The following MIS18A variants were observed in gnomAD, a reference collection of about 807,000 sequenced individuals.
The protein encoded by MIS18A is protein Mis18-alpha.
MIS18A carries 14 observed loss-of-function variants against 25.0 expected under a neutral mutation model. The observed-to-expected ratio is 0.56, with a 90% CI of 0.37 to 0.88. The LOEUF (loss-of-function observed/expected upper bound fraction) is 0.88. Ranked by LOEUF, MIS18A falls within the 40% of genes least tolerant of loss-of-function variation. MIS18A has a pLI of 0.00. For synonymous variants in MIS18A, 134 were observed against 118.6 expected, an observed-to-expected ratio of 1.13 and a Z score of -0.84; for missense variants, 292 against 290.8, an observed-to-expected ratio of 1.00 and a Z score of -0.03.
the MIS18A span, among the ~76,000 whole-genome samples, chr21:32,231,342 T>C: frequency 6.6e-6 from 1 of 151,008 alleles, no homozygotes; most frequent in Non-Finnish European, 1.5e-5. Flanking sequence ...TAAAATTCAA[T>C]AATAAAAAGA....
At chr21:32,263,614 T>C (rs2031545336), downstream of MIS18A, among the ~76,000 whole-genome samples, 1 of 152,052 alleles carries the variant, frequency 6.6e-6, no homozygotes, top group East Asian at 1.9e-4. Context: ...ATAAATAAAA[T>C]CGTATTTCCA....
At chr21:32,266,967 A>AACACACACACACACACACACACAC (rs199958126), downstream of MIS18A, among the ~76,000 whole-genome samples, 2 of 149,430 alleles carry the variant, frequency 1.3e-5, no homozygotes, top group African/African-American at 4.9e-5. Flanking sequence ...GGACAAGTTA[A>AACACACACACACACACACACACAC]ACACACACAC....
At chr21:32,234,892 C>T in the MIS18A span, among the ~76,000 whole-genome samples, 9 of 152,270 alleles carry the variant, frequency 5.9e-5, no homozygotes, top group African/African-American at 1.9e-4. Flanking sequence ...AACACAAGAA[C>T]GGACTAACAG....
chr21:32,235,229 C>T, the MIS18A span, among the ~76,000 whole-genome samples: 3 of 152,160 alleles, frequency 2.0e-5, no homozygotes, highest in Non-Finnish European at 2.9e-5. Context: ...TTGTCTTCAG[C>T]GGAATTGGAG....
At chr21:32,157,252 TAGAGACAGG>T in the MIS18A span, among the ~76,000 whole-genome samples, 1 of 26,138 alleles carries the variant, frequency 3.8e-5, no homozygotes, top group Non-Finnish European at 6.1e-5. Flanking sequence ...GTAGTTTTAG[TAGAGACAGG>T]GTTTCATCAT....
At chr21:32,208,613 G>A in the MIS18A span, among the ~76,000 whole-genome samples, 13 of 152,282 alleles carry the variant, frequency 8.5e-5, no homozygotes, top group East Asian at 2.5e-3. Flanking sequence ...TTTCTTTATA[G>A]CAATATGAGA....
At chr21:32,169,011 A>C in the MIS18A span, among the ~76,000 whole-genome samples, 59 of 152,324 alleles carry the variant, frequency 3.9e-4, no homozygotes, top group Admixed American at 3.6e-3. Context: ...CAGAAGCAGA[A>C]TTGGTCAAAA....
At chr21:32,183,640 G>A in the MIS18A span, among the ~76,000 whole-genome samples, 5 of 152,290 alleles carry the variant, frequency 3.3e-5, no homozygotes, top group Non-Finnish European at 7.3e-5. Flanking sequence ...TTCAGAGCCA[G>A]TGAAGGAGTC....
chr21:32,214,568 A>G, the MIS18A span, among the ~76,000 whole-genome samples: 2 of 152,206 alleles, frequency 1.3e-5, no homozygotes, highest in Admixed American at 1.3e-4. Flanking sequence ...GTAGTAGCCT[A>G]TATGTTCTAA....
the MIS18A span, among the ~76,000 whole-genome samples, chr21:32,251,969 T>G: frequency 1.3e-5 from 2 of 152,224 alleles, no homozygotes; most frequent in South Asian, 4.1e-4. Flanking sequence ...TTCATCAGTA[T>G]AGTTTTAGAA....
At chr21:32,195,759 C>T in the MIS18A span, among the ~76,000 whole-genome samples, 1 of 152,158 alleles carries the variant, frequency 6.6e-6, no homozygotes, top group Admixed American at 6.5e-5. Flanking sequence ...GTGGCTCACA[C>T]CTGTAATCCC....
At chr21:32,213,360 T>C in the MIS18A span, among the ~76,000 whole-genome samples, 1 of 152,228 alleles carries the variant, frequency 6.6e-6, no homozygotes, top group Non-Finnish European at 1.5e-5. Flanking sequence ...CACTGTACGT[T>C]CTGACATAGA....
the MIS18A span, among the ~76,000 whole-genome samples, chr21:32,174,006 C>T: frequency 1.7e-5 from 2 of 114,386 alleles, no homozygotes; most frequent in Admixed American, 2.5e-4. Flanking sequence ...CACTCTGTTA[C>T]CAGGCTGGAG....
the MIS18A span, among the ~76,000 whole-genome samples, chr21:32,174,399 T>C: frequency 6.6e-6 from 1 of 152,166 alleles, no homozygotes; most frequent in African/African-American, 2.4e-5. Context: ...AATGCTGACA[T>C]AGCTCTCAAA....
chr21:32,166,631 A>G, the MIS18A span, among the ~76,000 whole-genome samples: 10,141 of 152,294 alleles, frequency 0.067, 375 homozygotes, highest in South Asian at 0.099. Flanking sequence ...TTGCAATCCA[A>G]AGCATAAAAT....
chr21:32,196,409 G>A, the MIS18A span, among the ~76,000 whole-genome samples: 3 of 151,364 alleles, frequency 2.0e-5, no homozygotes, highest in African/African-American at 7.3e-5. Flanking sequence ...CCAGCTTGCT[G>A]CCTGCAGATC....
the MIS18A span, among the ~76,000 whole-genome samples, chr21:32,157,602 C>T: frequency 6.6e-6 from 1 of 151,988 alleles, no homozygotes; most frequent in African/African-American, 2.4e-5. Flanking sequence ...CTTTACATGA[C>T]ACCCTTTGGT....
chr21:32,278,839 G>T lies in MIS18A; in HGVS notation c.176C>A (p.Ala59Glu). ...ASMWSSMSED[A>E]SVADMERAQL... ...CGCCCTCTCCATGTCGGCCACCGACGCGTCTTCGCTCATGGAGCTCCACAT... is the reference window on the plus strand; with the variant it reads ...CGCCCTCTCCATGTCGGCCACCGACTCGTCTTCGCTCATGGAGCTCCACAT... Residue 59 changes from alanine (A) to glutamate (E), a missense_variant, in exon 1 of 5, where the codon GCG becomes GAG. Ala to Glu is a moderately radical substitution (Grantham distance 107, BLOSUM62 -1). Transcript: ENST00000290130. 1 of 1,608,688 alleles carries T rather than the reference G, an allele frequency of 6.2e-7. No individual in the cohort carries two copies.
chr21:32,260,083 G>GTTTTTTTTTTTTTTTT, the MIS18A span: 4 of 69,906 alleles, frequency 5.7e-5, no homozygotes, highest in South Asian at 4.9e-4. Context: ...ATTTTTCTCA[G>GTTTTTTTTTTTTTTTT]CTTTTTTTTT....
Sources: allele counts gnomAD v4.1 joint callset (sites outside exome capture counted in the v4.1 genomes callset), GRCh38; gene constraint gnomAD v4.1.1; transcripts MANE v1.5; gene names NCBI Gene and HGNC (gene_info 2026-07-23, HGNC 2026-07-21).